The following EPB41 variants were observed in gnomAD, a reference collection of about 807,000 sequenced individuals.
The protein encoded by EPB41 is erythrocyte membrane protein band 4.1, also known as protein 4.1.
EPB41 carries 65 observed loss-of-function variants against 108.0 expected under a neutral mutation model. That is an observed-to-expected ratio of 0.60 (90% CI 0.49 to 0.74). The LOEUF (loss-of-function observed/expected upper bound fraction) is 0.74, where lower values mean the gene tolerates loss of function less well. EPB41 is among the 30% of genes least tolerant of loss of function. The pLI is 0.00. For synonymous variants in EPB41, 336 were observed against 358.9 expected (o/e 0.94, Z 0.72); for missense variants, 875 against 1,037.0 (o/e 0.84, Z 2.15).
chr1:28,983,645 C>T (rs779490473), intron 1 of EPB41, among the ~76,000 whole-genome samples: 3 of 152,160 alleles, frequency 2.0e-5, no homozygotes, highest in Admixed American at 6.5e-5. Flanking sequence ...AGTGCACAAG[C>T]GCTGGAACGA....
At chr1:28,982,652 T>C (rs183246685) in intron 1 of EPB41, 36 of 847,002 alleles carry the variant, frequency 4.3e-5, no homozygotes, top group Admixed American at 1.3e-4. Flanking sequence ...AAGCCCATCA[T>C]GGTTTTTGAT....
intron 4 of EPB41, among the ~76,000 whole-genome samples, chr1:29,011,017 C>CG (rs2096490255): frequency 6.6e-6 from 1 of 150,646 alleles, no homozygotes; most frequent in Non-Finnish European, 1.5e-5. Context: ...ACTCAGGAGG[C>CG]GGAGGCAGGA....
At chr1:28,910,138 C>T (rs1432100399), upstream of EPB41, among the ~76,000 whole-genome samples, 1 of 151,734 alleles carries the variant, frequency 6.6e-6, no homozygotes, top group African/African-American at 2.4e-5. Context: ...AGGGAAGGTC[C>T]CAAAATATTG....
chr1:29,086,275 C>CT (rs1213378802), intron 16 of EPB41, among the ~76,000 whole-genome samples: 4,443 of 137,220 alleles, frequency 0.032, 90 homozygotes, highest in Middle Eastern at 0.049. Context: ...TTTGTCTTTC[C>CT]TTTTTTTTTT....
chr1:29,015,460 G>C (rs941144909), intron 5 of EPB41, among the ~76,000 whole-genome samples: 6 of 152,072 alleles, frequency 3.9e-5, no homozygotes, highest in African/African-American at 1.2e-4. Context: ...AGTAGGCTGA[G>C]ACAGAAGAAT....
intron 16 of EPB41, chr1:29,072,188 A>G (rs1651809608): frequency 6.6e-6 from 1 of 152,142 alleles, no homozygotes; most frequent in African/African-American, 2.4e-5. Flanking sequence ...TCTATTTATA[A>G]TATATATTTT....
intron 7 of EPB41, among the ~76,000 whole-genome samples, chr1:29,029,041 C>CAAAAAAAAAACAAAAAAAA (rs2096756563): frequency 8.1e-6 from 1 of 123,686 alleles, no homozygotes. Flanking sequence ...GACCCTGTCT[C>CAAAAAAAAAACAAAAAAAA]AAAAAAAAAA....
At chr1:28,896,941 C>A (rs768943974) in intron 1 of EPB41, among the ~76,000 whole-genome samples, 1 of 152,162 alleles carries the variant, frequency 6.6e-6, no homozygotes, top group Non-Finnish European at 1.5e-5. Context: ...GCCAATGGGG[C>A]CCACTGGGGT....
chr1:28,956,292 G>C (rs184591189), intron 1 of EPB41, among the ~76,000 whole-genome samples: 10 of 152,276 alleles, frequency 6.6e-5, no homozygotes, highest in African/African-American at 2.2e-4. Context: ...TACAACTGTG[G>C]CTAGGAAACT....
chr1:28,904,788 T>C (rs203286), intron 1 of EPB41, among the ~76,000 whole-genome samples: 18,634 of 151,690 alleles, frequency 0.12, 1,570 homozygotes, highest in African/African-American at 0.25. Context: ...GATCCCAGCA[T>C]TTTGGGAGGC....
intron 1 of EPB41, among the ~76,000 whole-genome samples, chr1:28,968,996 A>C: frequency 6.8e-6 from 1 of 146,442 alleles, no homozygotes; most frequent in African/African-American, 2.5e-5. Context: ...AAAAAAACAC[A>C]AACTAAATGA....
chr1:28,905,510 A>G (rs1218688788), intron 1 of EPB41, among the ~76,000 whole-genome samples: 12 of 151,828 alleles, frequency 7.9e-5, no homozygotes, highest in Admixed American at 5.9e-4. Flanking sequence ...AAAAAAAACA[A>G]CAAAAAACCA....
intron 7 of EPB41, 46 bp from the exon 8 acceptor site, chr1:29,030,354 T>C: frequency 7.1e-7 from 1 of 1,403,706 alleles, no homozygotes; most frequent in South Asian, 1.2e-5. Context: ...CTGTAAATGA[T>C]GACACTATAA....
Position 28,887,525 on chromosome 1 carries a change from G to C in EPB41, c.-8+315G>C, listed in dbSNP as rs1049715160. ...TGTCTGGGGCGGGGGTCCTGCATTCGGTGTCCGCGGGAGAGTCCCTGCAGG... is the reference window on the plus strand; with the variant it reads ...TGTCTGGGGCGGGGGTCCTGCATTCCGTGTCCGCGGGAGAGTCCCTGCAGG... On this transcript the variant is annotated intron_variant, in intron 1 of 16. Coordinates refer to the EPB41 transcript ENST00000347529. This position sits in a 1 kb window ranked among gnomAD's most constrained non-coding sequence, Gnocchi z 4.9. 3 of 985,082 alleles carry C rather than the reference G, an allele frequency of 3.0e-6. No individual in the cohort carries two copies. Among genetic ancestry groups the C allele is most frequent in the Non-Finnish European group, 3.6e-6 (3 of 829,854 alleles). 61.0% of individuals were successfully genotyped at this position (985,082 alleles called of 1,614,324 possible).
chr1:29,024,627 G>A lies in EPB41; in HGVS notation c.1125-5773G>A, dbSNP rs183358482. Among the ~76,000 whole-genome samples, 39 of 151,776 alleles carry A rather than the reference G, an allele frequency of 2.6e-4. No homozygotes were observed. The East Asian group carries it at 6.7e-3, about 26-fold the overall frequency. ...CAGCTGGGCGACAGAGCGAGACTCC[G>A]TCTCAAAAAATAAATAAATAAAAAA... On this transcript the variant is annotated intron_variant, in intron 7 of 20. Coordinates refer to ENST00000343067, the MANE Select transcript of EPB41 (RefSeq NM_001376013.1).
At chr1:28,947,382 T>G (rs1391826551) in intron 1 of EPB41, among the ~76,000 whole-genome samples, 1 of 151,354 alleles carries the variant, frequency 6.6e-6, no homozygotes, top group East Asian at 2.0e-4. Context: ...CACTCCCGTC[T>G]GGCGACGGAG....
chr1:29,084,724 T>C (rs1051188720), intron 16 of EPB41, among the ~76,000 whole-genome samples: 3 of 152,256 alleles, frequency 2.0e-5, no homozygotes, highest in African/African-American at 7.2e-5. Context: ...ACAGACAGTA[T>C]GTATCCCAAA....
At chr1:29,112,211 G>T (rs560335249) in intron 18 of EPB41, among the ~76,000 whole-genome samples, 157 bp from the exon 19 acceptor site, 7 of 152,152 alleles carry the variant, frequency 4.6e-5, no homozygotes, top group Non-Finnish European at 1.0e-4. Context: ...ATGTTGCCCA[G>T]GCTGGTCTCA....
At chr1:29,009,391 A>G (rs1301620551) in intron 4 of EPB41, among the ~76,000 whole-genome samples, 1 of 152,154 alleles carries the variant, frequency 6.6e-6, no homozygotes, top group Non-Finnish European at 1.5e-5. Flanking sequence ...TATATGATTG[A>G]CACAAAAGTG....
Sources: gnomAD v4.1 joint callset for allele counts (sites outside exome capture counted in the v4.1 genomes callset) on GRCh38, gnomAD v4.1.1 for gene constraint, Gnocchi (gnomAD v3.1) non-coding constraint, MANE v1.5 for transcripts, NCBI Gene and HGNC (gene_info 2026-07-23, HGNC 2026-07-21) for gene names.